ZDHHC11B: variants seen among roughly 807,000 people sequenced by gnomAD.
The protein encoded by ZDHHC11B is zDHHC palmitoyltransferase 11B (putative).
A neutral mutation model predicts 42.3 loss-of-function variants in ZDHHC11B; 17 were observed. The observed-to-expected ratio is 0.40, with a 90% CI of 0.27 to 0.60. ZDHHC11B has a LOEUF of 0.60. Among genes scored for constraint, ZDHHC11B ranks in the 20% least tolerant of loss-of-function variants. The probability of loss-of-function intolerance (pLI) is 0.41; values close to 1 mark genes in which losing one functional copy is unlikely to be tolerated. For synonymous variants in ZDHHC11B, 123 were observed against 193.5 expected (o/e 0.64, Z 3.02); for missense variants, 262 against 463.2 (o/e 0.57, Z 3.99).
intron 4 of ZDHHC11B, among the ~76,000 whole-genome samples, chr5:764,465 C>T (rs767693274): frequency 9.2e-5 from 14 of 152,044 alleles, no homozygotes; most frequent in South Asian, 4.2e-4. Flanking sequence ...AGCAGCCGGC[C>T]GGCACTGCCG....
Position 725,207 on chromosome 5 carries a change from G to T in ZDHHC11B, c.1058+5227C>A, listed in dbSNP as rs867108344. On this transcript the variant is annotated intron_variant, in intron 12 of 13. Transcript: ENST00000508859. ...GTGAGGACAAGCAGAGGAGGCCATC[G>T]GAGAACCAGGAAGGGGCTCTCATCA... 9.5e-4 allele frequency among the ~76,000 whole-genome samples: 133 copies of T among 140,074 alleles called. 2 individuals are homozygous for T. The highest frequency in any genetic ancestry group is 2.7e-3 in the African/African-American group (92 of 34,600). 91.9% of individuals were successfully genotyped at this position (140,074 alleles called of 152,430 possible).
intron 1 of ZDHHC11B, among the ~76,000 whole-genome samples, chr5:784,074 C>G (rs1190928212): frequency 2.6e-5 from 4 of 151,496 alleles, no homozygotes; most frequent in Admixed American, 1.3e-4. Flanking sequence ...GGACAGTAGC[C>G]AAGGCCCGGG....
chr5:731,591 G>C (rs1440994126), intron 11 of ZDHHC11B, among the ~76,000 whole-genome samples: 1 of 151,442 alleles, frequency 6.6e-6, no homozygotes, highest in East Asian at 1.9e-4. Flanking sequence ...GAGTTTTCAT[G>C]GTTCTTTAAA....
At chr5:766,665 C>G in intron 4 of ZDHHC11B, 33 bp downstream of exon 4, 2 of 1,575,574 alleles carry the variant, frequency 1.3e-6, no homozygotes, top group South Asian at 1.1e-5. Flanking sequence ...AGGAACCCCT[C>G]CCGCTTAGAC....
chr5:763,731 C>T (rs1284890931), intron 4 of ZDHHC11B, among the ~76,000 whole-genome samples: 2 of 151,808 alleles, frequency 1.3e-5, no homozygotes, highest in African/African-American at 4.8e-5. Context: ...AGAACGAATA[C>T]AGGATGTTAA....
chr5:739,632 A>T (rs533886152), intron 10 of ZDHHC11B, among the ~76,000 whole-genome samples: 3 of 147,292 alleles, frequency 2.0e-5, no homozygotes, highest in Admixed American at 1.4e-4. Context: ...GTTGGCATGG[A>T]TGTGGTGAAA....
In ZDHHC11B at chr5:776,323, C is replaced by T. The variant is rs1355195051; in HGVS notation, c.-229-7393G>A. On this transcript the variant is annotated intron_variant, in intron 1 of 13. Transcript: ENST00000508859. ...CTTGGCACCGAAGCCCTGGGATGGC[C>T]CCTCTGCAACGCCCAGTGCTCCATC... is the stretch of plus-strand genomic sequence containing the variant. 5.3e-5 allele frequency among the ~76,000 whole-genome samples: 8 copies of T among 151,874 alleles called. 1 individual carries two copies. The highest frequency in any genetic ancestry group is 1.2e-4 in the Non-Finnish European group (8 of 67,920).
At chr5:780,203 GAC>G (rs1201701574) in intron 1 of ZDHHC11B, among the ~76,000 whole-genome samples, 7 of 151,262 alleles carry the variant, frequency 4.6e-5, no homozygotes, top group African/African-American at 1.5e-4. Flanking sequence ...TGAATGAAAA[GAC>G]ACACTAGATC....
Position 710,812 on chromosome 5 carries a change from T to TGCTCCCATTTCCCAGTACTGTGA in ZDHHC11B, c.*1455_*1477dup, listed in dbSNP as rs1220490310. 6.5e-6 allele frequency: 1 copy of TGCTCCCATTTCCCAGTACTGTGA among 153,616 alleles called. No individual in the cohort carries two copies. 9.5% of individuals were successfully genotyped at this position (153,616 alleles called of 1,614,324 possible). On this transcript the variant is annotated 3_prime_UTR_variant, in exon 14 of 14. Transcript: ENST00000508859. Reference sequence around the variant, plus strand: ...ACTGTGCTCCCATTTCCGAATACTGTGCTCCCATTTCCCAGTACTGTGAGC... The same window carrying TGCTCCCATTTCCCAGTACTGTGA: ...ACTGTGCTCCCATTTCCGAATACTGTGCTCCCATTTCCCAGTACTGTGAGCTCCCATTTCCCAGTACTGTGAGC...
At chr5:773,080 A>C (rs1287095604) in intron 1 of ZDHHC11B, among the ~76,000 whole-genome samples, 1 of 151,908 alleles carries the variant, frequency 6.6e-6, no homozygotes. Flanking sequence ...CACTGTCTGG[A>C]TCGCTTCATT....
chr5:780,449 C>T (rs1736878570), intron 1 of ZDHHC11B, among the ~76,000 whole-genome samples: 1 of 151,260 alleles, frequency 6.6e-6, no homozygotes, highest in African/African-American at 2.5e-5. Context: ...TGTGGACGGA[C>T]CACTCGCGCA....
chr5:748,739 G>T (rs138079636), intron 7 of ZDHHC11B, among the ~76,000 whole-genome samples, 180 bp from the exon 8 acceptor site: 9,541 of 126,808 alleles, frequency 0.075, 796 homozygotes, highest in East Asian at 0.21. Context: ...CCTGCTGACT[G>T]AGGTTGGTTT....
At chr5:762,387 C>CAGCACCCACGTCTCTCACTAA (rs1734743161) in intron 4 of ZDHHC11B, among the ~76,000 whole-genome samples, 1 of 151,888 alleles carries the variant, frequency 6.6e-6, no homozygotes, top group Admixed American at 6.6e-5. Flanking sequence ...ATGCCACAGT[C>CAGCACCCACGTCTCTCACTAA]AGCACCCACG....
chr5:725,302 C>T (rs1183435294), intron 12 of ZDHHC11B, among the ~76,000 whole-genome samples: 16 of 144,784 alleles, frequency 1.1e-4, no homozygotes, highest in Non-Finnish European at 1.8e-4. Context: ...AGGAGGCCGT[C>T]GGAGAACCGG....
chr5:747,591 G>A (rs1432798167), intron 8 of ZDHHC11B: 3 of 149,824 alleles, frequency 2.0e-5, no homozygotes, highest in African/African-American at 7.4e-5. Flanking sequence ...CTGCAGGCAG[G>A]GGATGCTCTG....
chr5:739,014 G>A (rs1383237123), intron 10 of ZDHHC11B, among the ~76,000 whole-genome samples: 2 of 150,560 alleles, frequency 1.3e-5, no homozygotes, highest in African/African-American at 4.9e-5. Context: ...ATAGAACCCA[G>A]GGATAGGAAG....
chr5:718,234 T>C (rs757912314), intron 12 of ZDHHC11B, among the ~76,000 whole-genome samples: 1 of 151,694 alleles, frequency 6.6e-6, no homozygotes, highest in Non-Finnish European at 1.5e-5. Context: ...GCAGAGGAAG[T>C]TTACCTAAGG....
At chr5:751,417 A>G (rs1579350173) in intron 6 of ZDHHC11B, among the ~76,000 whole-genome samples, 160 bp from the exon 7 acceptor site, 1 of 36,870 alleles carries the variant, frequency 2.7e-5, no homozygotes, top group Admixed American at 3.7e-4. Context: ...CAGGTGTGGG[A>G]CAGGTGTGGG....
At position 760,818 on chromosome 5, in the gene ZDHHC11B, G is replaced by A. The variant is rs1162769369; in HGVS notation, c.223-4674C>T. 4.2e-5 allele frequency among the ~76,000 whole-genome samples: 6 copies of A among 141,936 alleles called. No individual in the cohort carries two copies. The South Asian group carries it at 7.1e-4, about 17-fold the overall frequency. 93.1% of individuals were successfully genotyped at this position (141,936 alleles called of 152,430 possible). A position where few individuals can be genotyped will look rare whatever the true frequency, so the allele number is the denominator to read the frequency against. On this transcript the variant is annotated intron_variant, in intron 4 of 13. Transcript: ENST00000508859. ...TCCGGACTGGCAGGGGCAGTGACCC[G>A]GCCCACCCTCCCAAGGAACCGCTGC...
Sources: allele counts gnomAD v4.1 joint callset (sites outside exome capture counted in the v4.1 genomes callset), GRCh38; gene constraint gnomAD v4.1.1; transcripts MANE v1.5; gene names NCBI Gene and HGNC (gene_info 2026-07-23, HGNC 2026-07-21).